EPB41L4A: variants seen among roughly 807,000 people sequenced by gnomAD.
The protein encoded by EPB41L4A is band 4.1-like protein 4A.
Under a neutral mutation model 108.6 loss-of-function variants are expected in EPB41L4A, and 100 were observed. The ratio of observed to expected loss-of-function variants is 0.92; its 90% confidence interval spans 0.78 to 1.09. EPB41L4A has a LOEUF of 1.09. Ranked by LOEUF, EPB41L4A falls within the 50% of genes least tolerant of loss-of-function variation. The pLI, the probability that EPB41L4A is intolerant of heterozygous loss-of-function variation, is 0.00. For missense variants in EPB41L4A, 1,030 were observed against 842.7 expected (o/e 1.22, Z -2.75); for synonymous variants, 319 against 289.0 (o/e 1.10, Z -1.05).
At chr5:112,165,636 C>T (rs1056441002) in intron 22 of EPB41L4A, among the ~76,000 whole-genome samples, 17 of 152,150 alleles carry the variant, frequency 1.1e-4, no homozygotes, top group African/African-American at 3.6e-4. Context: ...CCCATCATCA[C>T]TGGTGGAGGC....
At chr5:112,326,274 T>A (rs1291691862) in intron 1 of EPB41L4A, among the ~76,000 whole-genome samples, 1 of 151,958 alleles carries the variant, frequency 6.6e-6, no homozygotes, top group Non-Finnish European at 1.5e-5. Flanking sequence ...CCAATCCACC[T>A]CAAAGGCATG....
intron 9 of EPB41L4A, among the ~76,000 whole-genome samples, chr5:112,243,239 G>GTA (rs1750481740): frequency 6.8e-6 from 1 of 148,044 alleles, no homozygotes; most frequent in African/African-American, 2.5e-5. Flanking sequence ...ATATATCTAT[G>GTA]TATATATACA....
intron 1 of EPB41L4A, among the ~76,000 whole-genome samples, chr5:112,309,135 T>C (rs1175238203): frequency 2.0e-5 from 3 of 152,160 alleles, no homozygotes; most frequent in African/African-American, 7.2e-5. Context: ...GGCCCAACTT[T>C]GCTTCCAAAT....
At chr5:112,204,523 GA>G in intron 14 of EPB41L4A, 35 bp from the exon 15 acceptor site, 1 of 1,421,482 alleles carries the variant, frequency 7.0e-7, no homozygotes, top group Non-Finnish European at 9.9e-7. Flanking sequence ...AAAGAGCCCA[GA>G]GAGTTCCTGG....
At chr5:112,342,197 C>G (rs941488588) in intron 1 of EPB41L4A, among the ~76,000 whole-genome samples, 31 of 152,174 alleles carry the variant, frequency 2.0e-4, no homozygotes, top group Admixed American at 1.2e-3. Flanking sequence ...AAGAGAAATA[C>G]TATACACAAC....
intron 17 of EPB41L4A, among the ~76,000 whole-genome samples, chr5:112,188,659 T>C (rs1761541134): frequency 6.6e-6 from 1 of 152,184 alleles, no homozygotes; most frequent in East Asian, 1.9e-4. Flanking sequence ...CGGTGAACAC[T>C]GTTTCCACTA....
chr5:112,188,686 T>C (rs1226429777), intron 17 of EPB41L4A, among the ~76,000 whole-genome samples: 1 of 152,130 alleles, frequency 6.6e-6, no homozygotes, highest in African/African-American at 2.4e-5. Flanking sequence ...TACGAACTCT[T>C]CTCTCCGTAC....
At position 112,162,801 on chromosome 5, in the gene EPB41L4A, G is replaced by A. The variant is rs566526010; in HGVS notation, c.*2189C>T. 4.6e-5 allele frequency: 7 copies of A among 152,362 alleles called. No homozygotes were observed. In the East Asian group the frequency reaches 9.6e-4, roughly 21 times the overall value. 9.4% of individuals were successfully genotyped at this position (152,362 alleles called of 1,614,324 possible). The stretch of plus-strand genomic sequence containing the variant: ...TTTTCTTAGGGAAACCTGAGAAAGA[G>A]TTGAGACTAAAGGTATGTGTCATAT... On this transcript the variant is annotated 3_prime_UTR_variant, in exon 23 of 23. Coordinates refer to ENST00000261486, the MANE Select transcript of EPB41L4A (RefSeq NM_022140.5).
At chr5:112,368,994 C>T (rs1273824309) in intron 1 of EPB41L4A, among the ~76,000 whole-genome samples, 1 of 152,168 alleles carries the variant, frequency 6.6e-6, no homozygotes, top group Admixed American at 6.5e-5. Flanking sequence ...TATCTCCTTC[C>T]ACGGTTCTAA....
chr5:112,179,054 A>G (rs1761017116), intron 18 of EPB41L4A, among the ~76,000 whole-genome samples: 1 of 152,030 alleles, frequency 6.6e-6, no homozygotes, highest in Non-Finnish European at 1.5e-5. Flanking sequence ...CAGATGTTAA[A>G]AGCACAGGGA....
intron 1 of EPB41L4A, among the ~76,000 whole-genome samples, chr5:112,340,172 C>G (rs373534151): frequency 1.3e-5 from 2 of 151,994 alleles, no homozygotes; most frequent in East Asian, 3.9e-4. Context: ...GAGGGAGTGA[C>G]GGAAGGAAAG....
At chr5:112,371,523 C>A (rs1459357890) in intron 1 of EPB41L4A, among the ~76,000 whole-genome samples, 3 of 152,186 alleles carry the variant, frequency 2.0e-5, no homozygotes, top group Non-Finnish European at 4.4e-5. Context: ...TGAGCCACAT[C>A]TGGCTGGTCT....
intron 1 of EPB41L4A, among the ~76,000 whole-genome samples, chr5:112,331,128 A>G (rs1418538368): frequency 5.3e-5 from 8 of 152,086 alleles, no homozygotes; most frequent in Non-Finnish European, 1.0e-4. Context: ...CTTAATACTC[A>G]CACAAATTTG....
chr5:112,314,538 A>AAAAAAG (rs1561563700), intron 1 of EPB41L4A, among the ~76,000 whole-genome samples: 48 of 111,316 alleles, frequency 4.3e-4, no homozygotes, highest in African/African-American at 1.7e-3. Context: ...AAAAAAAAAA[A>AAAAAAG]GAAAAGAAAT....
chr5:112,390,568 T>C (rs190116368), intron 1 of EPB41L4A, among the ~76,000 whole-genome samples: 1 of 152,166 alleles, frequency 6.6e-6, no homozygotes, highest in African/African-American at 2.4e-5. Flanking sequence ...TGGAGCTCAC[T>C]GCAGCTCAAC....
At chr5:112,339,511 GATATATAGATATATATCT>G (rs1561585393) in intron 1 of EPB41L4A, among the ~76,000 whole-genome samples, 7 of 55,194 alleles carry the variant, frequency 1.3e-4, no homozygotes, top group African/African-American at 1.6e-4. Context: ...TATATATATA[GATATATAGATATATATCT>G]ATATATATAT....
chr5:112,360,033 G>A (rs541472112), intron 1 of EPB41L4A, among the ~76,000 whole-genome samples: 2 of 152,148 alleles, frequency 1.3e-5, no homozygotes, highest in East Asian at 3.9e-4. Context: ...CAGATTCAAC[G>A]GAAATCCAAT....
chr5:112,190,888 G>GA (rs76074053), intron 17 of EPB41L4A, among the ~76,000 whole-genome samples: 47,072 of 151,624 alleles, frequency 0.31, 8,126 homozygotes, highest in East Asian at 0.68. Flanking sequence ...ACAGAAGAAA[G>GA]AAAAAAGACT....
chr5:112,342,414 G>A (rs779445444), intron 1 of EPB41L4A, among the ~76,000 whole-genome samples: 4 of 152,228 alleles, frequency 2.6e-5, no homozygotes, highest in Non-Finnish European at 4.4e-5. Context: ...GCACAATCCA[G>A]TGTGGTGGGC....
Sources: gnomAD v4.1 joint callset for allele counts (sites outside exome capture counted in the v4.1 genomes callset) on GRCh38, gnomAD v4.1.1 for gene constraint, MANE v1.5 for transcripts, NCBI Gene and HGNC (gene_info 2026-07-23, HGNC 2026-07-21) for gene names.